The following RAB31 variants were observed in gnomAD, a reference collection of about 807,000 sequenced individuals.
RAB31 encodes the protein ras-related protein Rab-31.
RAB31 carries 21 observed loss-of-function variants against 25.6 expected under a neutral mutation model. That is an observed-to-expected ratio of 0.82 (90% CI 0.58 to 1.18). RAB31 has a LOEUF of 1.18. Among genes scored for constraint, RAB31 ranks in the 50% most tolerant of loss-of-function variants. The pLI is 0.00. For missense variants in RAB31, 196 were observed against 250.1 expected (o/e 0.78, Z 1.46); for synonymous variants, 87 against 84.0 (o/e 1.04, Z -0.20).
intron 1 of RAB31, among the ~76,000 whole-genome samples, chr18:9,721,852 A>G (rs548365387): frequency 1.3e-5 from 2 of 152,102 alleles, no homozygotes; most frequent in South Asian, 4.1e-4. Context: ...GAGAAAAGGA[A>G]AGTGAGGAAG....
intron 5 of RAB31, among the ~76,000 whole-genome samples, chr18:9,820,829 G>A (rs1211017395): frequency 6.6e-6 from 1 of 151,526 alleles, no homozygotes; most frequent in African/African-American, 2.4e-5. Flanking sequence ...CAGTTTTGTT[G>A]ACCTTTTCAA....
In RAB31 at chr18:9,814,035, C is replaced by A. The variant is rs1329556013; in HGVS notation, c.217C>A (p.Pro73Thr). The A allele has an allele frequency of 1.3e-6, 2 of 1,591,448 alleles. No individual in the cohort carries two copies. The highest frequency in any genetic ancestry group is 8.6e-7 in the Non-Finnish European group (1 of 1,165,452). Residue 73 changes from proline to threonine, a missense_variant, in exon 4 of 7, where the codon CCC becomes ACC. Physicochemically the swap from Pro to Thr is conservative, Grantham distance 38. Coordinates refer to ENST00000578921, the MANE Select transcript of RAB31 (RefSeq NM_006868.4). Reference protein sequence around the residue: ...AGQERFHSLAPMYYRGSAAAV... With the variant: ...AGQERFHSLATMYYRGSAAAV... ...TCTTAAACAGTTTCATTCATTGGCT[C>A]CCATGTACTATCGAGGCTCAGCTGC... is the stretch of plus-strand genomic sequence containing the variant.
chr18:9,749,957 T>C (rs2068226138), intron 1 of RAB31, among the ~76,000 whole-genome samples: 1 of 152,194 alleles, frequency 6.6e-6, no homozygotes. Flanking sequence ...CTCCGTCCAG[T>C]GGGCCCTTTG....
chr18:9,848,771 T>G (rs1385779372), intron 6 of RAB31, among the ~76,000 whole-genome samples: 2 of 152,190 alleles, frequency 1.3e-5, no homozygotes, highest in African/African-American at 4.8e-5. Flanking sequence ...AAAGGTGTGT[T>G]TAAACAAAAT....
At chr18:9,773,999 G>C (rs141241157) in intron 1 of RAB31, among the ~76,000 whole-genome samples, 13 of 152,212 alleles carry the variant, frequency 8.5e-5, no homozygotes, top group African/African-American at 2.2e-4. Context: ...TATTCTCAAC[G>C]ATCTTTTAAA....
At chr18:9,755,948 T>C (rs2068258486) in intron 1 of RAB31, among the ~76,000 whole-genome samples, 1 of 152,234 alleles carries the variant, frequency 6.6e-6, no homozygotes, top group Non-Finnish European at 1.5e-5. Context: ...CTAAGAGTAA[T>C]ATTTTAGCAT....
intron 5 of RAB31, among the ~76,000 whole-genome samples, chr18:9,826,188 C>T (rs1349088192): frequency 9.0e-6 from 1 of 111,016 alleles, no homozygotes; most frequent in Non-Finnish European, 2.0e-5. Context: ...ACCAGCCTGG[C>T]CAACATGATG....
intron 1 of RAB31, among the ~76,000 whole-genome samples, chr18:9,771,823 T>A (rs1296809539): frequency 6.6e-6 from 1 of 152,250 alleles, no homozygotes; most frequent in Non-Finnish European, 1.5e-5. Flanking sequence ...GTCTATCCTT[T>A]CGTCCTGTTA....
intron 3 of RAB31, among the ~76,000 whole-genome samples, chr18:9,803,936 C>T (rs2068526650): frequency 6.6e-6 from 1 of 152,156 alleles, no homozygotes; most frequent in African/African-American, 2.4e-5. Context: ...TGTCAGAATG[C>T]CAGCGACAGG....
intron 1 of RAB31, among the ~76,000 whole-genome samples, chr18:9,730,348 A>G (rs1317096088): frequency 6.8e-6 from 1 of 147,524 alleles, no homozygotes; most frequent in African/African-American, 2.5e-5. Context: ...GTGCAGTGGC[A>G]TGATCTTGGC....
At chr18:9,742,227 C>T (rs112938859) in intron 1 of RAB31, among the ~76,000 whole-genome samples, 6,166 of 152,236 alleles carry the variant, frequency 0.041, 151 homozygotes, top group Middle Eastern at 0.082. Context: ...GATATTGCAG[C>T]GCAGAGTTGG....
chr18:9,845,669 C>T lies in RAB31; in HGVS notation c.468C>T (p.Ile156=), dbSNP rs748103798. Residue 156 remains isoleucine, a synonymous_variant, in exon 6 of 7, where the codon ATC becomes ATT. Transcript: ENST00000578921. The part of the protein sequence containing the change: ...VETSAKNAIN[I]EELFQGISRQ... Reference sequence around the variant, plus strand: ...CAAGTGCAAAAAATGCTATTAATATCGAAGAGCTCTTTCAAGGAATCAGTA... The same window carrying T: ...CAAGTGCAAAAAATGCTATTAATATTGAAGAGCTCTTTCAAGGAATCAGTA... The T allele has an allele frequency of 2.8e-5, 43 of 1,559,386 alleles. No homozygotes were observed. Among genetic ancestry groups the T allele is most frequent in the South Asian group, 1.8e-4 (15 of 83,832 alleles).
At chr18:9,722,092 A>T (rs2068076240) in intron 1 of RAB31, among the ~76,000 whole-genome samples, 2 of 151,734 alleles carry the variant, frequency 1.3e-5, no homozygotes, top group African/African-American at 2.4e-5. Flanking sequence ...GAGGGAGAGG[A>T]GGGTGTAGAA....
At position 9,708,576 on chromosome 18, in the gene RAB31, T is replaced by G; in HGVS notation, c.39+132T>G. On this transcript the variant is annotated intron_variant, in intron 1 of 6. Transcript: ENST00000578921. This position sits in a 1 kb window ranked among gnomAD's most constrained non-coding sequence, Gnocchi z 6.4. ...ACCCCTCTCGTAGCCCCCGTCCCCC[T>G]CGTCCGCGCGCCCCCTGGTTCCCCG... The G allele has an allele frequency of 1.4e-6, 1 of 733,594 alleles. No individual in the cohort carries two copies. The allele number at this position is 733,594 out of a possible 1,614,324, so 45.4% of individuals were successfully genotyped here.
rs192280756 is a variant in RAB31 at position 9,808,047 on chromosome 18, G to A, written c.202-5973G>A. Among the ~76,000 whole-genome samples the A allele has an allele frequency of 8.5e-5, 13 of 152,256 alleles. 1 individual carries two copies. Among genetic ancestry groups the A allele is most frequent in the Admixed American group, 7.8e-4 (12 of 15,302 alleles). ...TTTGTGGAAAGATGTTTGGATTTGTGTTGTGTCATTTTCTGCTAAATGAGG... is the reference window on the plus strand; with the variant it reads ...TTTGTGGAAAGATGTTTGGATTTGTATTGTGTCATTTTCTGCTAAATGAGG... On this transcript the variant is annotated intron_variant, in intron 3 of 6. Coordinates refer to ENST00000578921, the MANE Select transcript of RAB31 (RefSeq NM_006868.4).
At chr18:9,747,071 A>T (rs993789247) in intron 1 of RAB31, among the ~76,000 whole-genome samples, 2 of 152,234 alleles carry the variant, frequency 1.3e-5, no homozygotes, top group African/African-American at 2.4e-5. Flanking sequence ...ACACAAAAAG[A>T]CAAAGTACTC....
chr18:9,715,022 C>A (rs1342510966), intron 1 of RAB31, among the ~76,000 whole-genome samples: 1 of 152,130 alleles, frequency 6.6e-6, no homozygotes, highest in Non-Finnish European at 1.5e-5. Context: ...CTGCTAGAGA[C>A]AGAAAGTAGG....
At chr18:9,737,988 G>C (rs961258329) in intron 1 of RAB31, among the ~76,000 whole-genome samples, 3 of 152,138 alleles carry the variant, frequency 2.0e-5, no homozygotes, top group Non-Finnish European at 4.4e-5. Context: ...GCAGCCAGCC[G>C]GCCGGCATTT....
intron 5 of RAB31, among the ~76,000 whole-genome samples, chr18:9,825,696 GCATCTGTA>G (rs2068646443): frequency 6.6e-6 from 1 of 152,142 alleles, no homozygotes; most frequent in South Asian, 2.1e-4. Flanking sequence ...ATCTATCCTG[GCATCTGTA>G]CAGGTCTCTA....
Sources: gnomAD v4.1 joint callset for allele counts (sites outside exome capture counted in the v4.1 genomes callset) on GRCh38, gnomAD v4.1.1 for gene constraint, Gnocchi (gnomAD v3.1) non-coding constraint, MANE v1.5 for transcripts, NCBI Gene and HGNC (gene_info 2026-07-23, HGNC 2026-07-21) for gene names.